Variants in CEACAM18 observed in about 807,000 individuals in gnomAD.
CEACAM18 encodes the protein CEA cell adhesion molecule 18.
A neutral mutation model predicts 34.3 loss-of-function variants in CEACAM18; 33 were observed. The observed-to-expected ratio is 0.96, with a 90% confidence interval of 0.73 to 1.29. The LOEUF is 1.29. Ranked by LOEUF, CEACAM18 falls within the 50% of genes most tolerant of loss-of-function variation. CEACAM18 has a pLI of 0.00. For synonymous variants in CEACAM18, 169 were observed against 180.9 expected, an observed-to-expected ratio of 0.93 and a Z score of 0.53; for missense variants, 474 against 485.0, an observed-to-expected ratio of 0.98 and a Z score of 0.21.
chr19:51,479,467 G>A (rs1054296607), intron 1 of CEACAM18, among the ~76,000 whole-genome samples: 4 of 152,226 alleles, frequency 2.6e-5, no homozygotes, highest in South Asian at 2.1e-4. Flanking sequence ...GCTCAGGGGC[G>A]CTGGGGACTC....
chr19:51,485,111 C>A lies in CEACAM18; in HGVS notation c.1078C>A (p.Leu360Ile), dbSNP rs894669180. ...TCCTGATCCATGCTCTGATCAACCA[C>A]TACTCAATCAGGTGCCCTCATTGCT... Residue 360 changes from leucine (L) to isoleucine (I), a missense_variant, in exon 5 of 6, where the codon CTA (leucine) becomes ATA (isoleucine). Transcript: ENST00000396477. 6 of 1,517,750 alleles carry A rather than the reference C, an allele frequency of 4.0e-6. No individual in the cohort carries two copies. In the African/African-American group the frequency reaches 6.9e-5, roughly 17 times the overall value. 94.0% of individuals were successfully genotyped at this position (1,517,750 alleles called of 1,614,324 possible). A position where few individuals can be genotyped will look rare whatever the true frequency, so the allele number is the denominator to read the frequency against.
intron 1 of CEACAM18, among the ~76,000 whole-genome samples, chr19:51,479,585 G>C (rs1356582741): frequency 1.3e-5 from 2 of 152,158 alleles, no homozygotes; most frequent in Non-Finnish European, 1.5e-5. Flanking sequence ...TGGCTGGGAT[G>C]GGGGGAGCCC....
chr19:51,478,983 G>C (rs77002528), intron 1 of CEACAM18, among the ~76,000 whole-genome samples: 1,857 of 150,688 alleles, frequency 0.012, 32 homozygotes, highest in African/African-American at 0.034. Flanking sequence ...CACACACAGA[G>C]AGAGAGAGAG....
chr19:51,483,084 C>T (rs377212437), exon 4 of CEACAM18: 33 of 1,613,992 alleles, frequency 2.0e-5, no homozygotes, highest in African/African-American at 1.7e-4. Context: ...CAGCTGAGAT[C>T]GGCTCCCAAG....
chr19:51,482,587 G>A (rs1989934808), intron 3 of CEACAM18, among the ~76,000 whole-genome samples: 1 of 152,166 alleles, frequency 6.6e-6, no homozygotes, highest in African/African-American at 2.4e-5. Flanking sequence ...CCCTGAGACT[G>A]GCTCAATCCT....
chr19:51,480,467 T>G (rs766957767), exon 2 of CEACAM18: 2 of 1,613,794 alleles, frequency 1.2e-6, no homozygotes, highest in South Asian at 2.2e-5. Flanking sequence ...CAGCTGGTAC[T>G]GGGGTGCAAA....
intron 3 of CEACAM18, among the ~76,000 whole-genome samples, chr19:51,481,894 C>A (rs1989923047): frequency 6.6e-6 from 1 of 152,174 alleles, no homozygotes; most frequent in Non-Finnish European, 1.5e-5. Context: ...AGACGCCAGT[C>A]CCCACTTCTC....
intron 5 of CEACAM18, among the ~76,000 whole-genome samples, chr19:51,485,681 C>T (rs765086385): frequency 3.9e-5 from 6 of 152,160 alleles, no homozygotes; most frequent in Non-Finnish European, 7.3e-5. Context: ...ATTAGAGACA[C>T]GTCTTGGAGG....
At chr19:51,490,682 C>T in exon 6 of CEACAM18, 1 of 1,167,778 alleles carries the variant, frequency 8.6e-7, no homozygotes, top group Non-Finnish European at 1.1e-6. Context: ...GGCTGGGGGT[C>T]CCCATAGGGC....
downstream of CEACAM18, chr19:51,491,211 A>ATT (rs55774114): frequency 0.2 from 29,563 of 149,058 alleles, 3,776 homozygotes; most frequent in African/African-American, 0.37. Flanking sequence ...CAAATATTTA[A>ATT]TTTTTTTTTT....
At chr19:51,489,051 T>A (rs1369970305) in intron 5 of CEACAM18, among the ~76,000 whole-genome samples, 3 of 151,480 alleles carry the variant, frequency 2.0e-5, no homozygotes, top group Non-Finnish European at 4.4e-5. Context: ...CCACTCGAAT[T>A]TCTTCAGACG....
chr19:51,485,171 G>A, intron 5 of CEACAM18, 49 bp downstream of exon 5: 1 of 1,450,090 alleles, frequency 6.9e-7, no homozygotes, highest in East Asian at 2.5e-5. Context: ...TGGGGGCTGG[G>A]ACTCAGGAGC....
At chr19:51,485,064 G>A in exon 5 of CEACAM18, 1 of 1,535,790 alleles carries the variant, frequency 6.5e-7, no homozygotes, top group South Asian at 1.2e-5. Flanking sequence ...GACAGTGCTG[G>A]GTGGCGTTTA....
exon 6 of CEACAM18, chr19:51,490,658 G>C: frequency 8.1e-7 from 1 of 1,229,722 alleles, no homozygotes; most frequent in Non-Finnish European, 1.0e-6. Flanking sequence ...GGTGAGGAGA[G>C]GGTGATGGAG....
At chr19:51,481,811 A>C in intron 3 of CEACAM18, 146 bp downstream of exon 3, 8 of 821,590 alleles carry the variant, frequency 9.7e-6, no homozygotes, top group Non-Finnish European at 1.3e-5. Context: ...GAATCAGCTC[A>C]GGCTCTTGAG....
chr19:51,481,377 T>A lies in CEACAM18; in HGVS notation c.401-16T>A. On this transcript the variant is annotated splice_polypyrimidine_tract_variant and intron_variant, in intron 2 of 5. Transcript: ENST00000396477. ...GACCCCACTTGTAATTTTTTTCTCT[T>A]TCCTGCTTCACCCAGAGTTGGGAAG... is the stretch of plus-strand genomic sequence containing the variant. 2 of 1,610,976 alleles carry A rather than the reference T, an allele frequency of 1.2e-6. No homozygotes were observed. The highest frequency in any genetic ancestry group is 1.7e-6 in the Non-Finnish European group (2 of 1,178,134).
At chr19:51,489,900 G>A (rs2122196169) in intron 5 of CEACAM18, among the ~76,000 whole-genome samples, 1 of 152,248 alleles carries the variant, frequency 6.6e-6, no homozygotes, top group East Asian at 1.9e-4. Context: ...AAGTTCAAGG[G>A]TATTTCAAAG....
chr19:51,483,432 T>A, intron 4 of CEACAM18, 136 bp downstream of exon 4: 1 of 1,067,858 alleles, frequency 9.4e-7, no homozygotes, highest in Non-Finnish European at 1.4e-6. Flanking sequence ...AATCTCCCAG[T>A]TCTCTGAGGT....
intron 3 of CEACAM18, among the ~76,000 whole-genome samples, chr19:51,482,592 A>G (rs1230784765): frequency 6.6e-6 from 1 of 152,174 alleles, no homozygotes; most frequent in Non-Finnish European, 1.5e-5. Flanking sequence ...AGACTGGCTC[A>G]ATCCTTCTGT....
Sources: gnomAD v4.1 joint callset for allele counts (sites outside exome capture counted in the v4.1 genomes callset) on GRCh38, gnomAD v4.1.1 for gene constraint, MANE v1.5 for transcripts, NCBI Gene and HGNC (gene_info 2026-07-23, HGNC 2026-07-21) for gene names.